Variants in SPAG16 observed in about 807,000 individuals in gnomAD.
SPAG16 encodes the protein sperm-associated antigen 16 protein.
Under a neutral mutation model 80.4 loss-of-function variants are expected in SPAG16, and 86 were observed. The ratio of observed to expected loss-of-function variants is 1.07; its 90% CI spans 0.90 to 1.28. The LOEUF is 1.28. Ranked by LOEUF, SPAG16 falls within the 50% of genes most tolerant of loss-of-function variation. The pLI, the probability that SPAG16 is intolerant of heterozygous loss-of-function variation, is 0.00. For synonymous variants in SPAG16, 294 were observed against 265.9 expected (o/e 1.11, Z -1.03); for missense variants, 870 against 765.3 (o/e 1.14, Z -1.61).
chr2:213,706,715 C>T (rs1056185403), intron 10 of SPAG16, among the ~76,000 whole-genome samples: 7 of 151,694 alleles, frequency 4.6e-5, no homozygotes, highest in African/African-American at 7.3e-5. Flanking sequence ...CTTAGTTTTT[C>T]GGAATGAAAA....
chr2:214,386,072 G>GACTT (rs767724086), intron 15 of SPAG16, among the ~76,000 whole-genome samples: 6 of 151,732 alleles, frequency 4.0e-5, no homozygotes, highest in Non-Finnish European at 7.4e-5. Context: ...CTCATAAAAC[G>GACTT]ACTTAAAAAG....
At position 213,804,382 on chromosome 2, in the gene SPAG16, C is replaced by G. The variant is rs189535594; in HGVS notation, c.1071-58103C>G. 2.3e-3 allele frequency among the ~76,000 whole-genome samples: 353 copies of G among 152,204 alleles called. 10 individuals are homozygous for G. The highest frequency in any genetic ancestry group is 0.02 in the Admixed American group (306 of 15,284). ...GCAAGGGGTAAGTAAGGAAGGAGGG[C>G]TACTAAAGAACATTATAAGGGCCGG... is the stretch of plus-strand genomic sequence containing the variant. On this transcript the variant is annotated intron_variant, in intron 10 of 15. Transcript: ENST00000331683.
At chr2:213,951,714 G>T (rs1037368610) in intron 12 of SPAG16, among the ~76,000 whole-genome samples, 2 of 152,110 alleles carry the variant, frequency 1.3e-5, no homozygotes, top group Non-Finnish European at 2.9e-5. Context: ...ACATTGAGGA[G>T]ATAAATGGAG....
intron 10 of SPAG16, among the ~76,000 whole-genome samples, chr2:213,542,239 G>A (rs2125918749): frequency 6.6e-6 from 1 of 152,164 alleles, no homozygotes; most frequent in East Asian, 1.9e-4. Context: ...TTTGAAGATG[G>A]TACTTGTGGT....
intron 7 of SPAG16, among the ~76,000 whole-genome samples, chr2:213,362,015 T>C (rs73990311): frequency 0.074 from 11,296 of 152,168 alleles, 1,385 homozygotes; most frequent in African/African-American, 0.25. Context: ...TTGAGTCATT[T>C]GAATCTCCCA....
At chr2:213,770,943 T>A (rs1436686697) in intron 10 of SPAG16, among the ~76,000 whole-genome samples, 1 of 152,206 alleles carries the variant, frequency 6.6e-6, no homozygotes, top group East Asian at 1.9e-4. Context: ...AGTGTCTTTA[T>A]AATAGAATGA....
intron 14 of SPAG16, among the ~76,000 whole-genome samples, chr2:214,142,997 T>C (rs1478208216): frequency 6.6e-6 from 1 of 152,190 alleles, no homozygotes; most frequent in Non-Finnish European, 1.5e-5. Context: ...TAGTGCATAG[T>C]ATGCCTGTCA....
intron 10 of SPAG16, among the ~76,000 whole-genome samples, chr2:213,591,825 T>G (rs1365817066): frequency 6.6e-6 from 1 of 151,978 alleles, no homozygotes; most frequent in Non-Finnish European, 1.5e-5. Context: ...GGCCAGGAGA[T>G]CAGACAACAC....
intron 10 of SPAG16, among the ~76,000 whole-genome samples, chr2:213,520,383 G>C (rs2075614018): frequency 6.6e-6 from 1 of 151,696 alleles, no homozygotes; most frequent in Admixed American, 6.6e-5. Flanking sequence ...TCAGGAGATT[G>C]AGACCATCCT....
intron 15 of SPAG16, among the ~76,000 whole-genome samples, chr2:214,227,281 AT>A (rs1487477124): frequency 6.6e-6 from 1 of 152,004 alleles, no homozygotes; most frequent in Non-Finnish European, 1.5e-5. Context: ...TGCTGCATCA[AT>A]AATGTCAAAA....
chr2:214,238,190 C>G (rs918625374), intron 15 of SPAG16: 5 of 435,958 alleles, frequency 1.1e-5, no homozygotes, highest in Non-Finnish European at 2.3e-5. Context: ...TTCCAGCTTT[C>G]TTGATGTTAC....
chr2:214,256,963 G>A (rs926866089), intron 15 of SPAG16, among the ~76,000 whole-genome samples: 4 of 151,598 alleles, frequency 2.6e-5, no homozygotes, highest in Non-Finnish European at 5.9e-5. Context: ...AAAAAATTAT[G>A]GGAACTCTTT....
chr2:213,463,314 A>T (rs914514871), intron 9 of SPAG16, among the ~76,000 whole-genome samples: 1 of 152,258 alleles, frequency 6.6e-6, no homozygotes, highest in Non-Finnish European at 1.5e-5. Context: ...GGAGAAATTC[A>T]AGCCAGCTGC....
At chr2:213,367,124 T>G (rs1269007393) in intron 8 of SPAG16, among the ~76,000 whole-genome samples, 1 of 152,194 alleles carries the variant, frequency 6.6e-6, no homozygotes, top group Non-Finnish European at 1.5e-5. Context: ...AACTCATCCT[T>G]TTTTATGGTT....
At chr2:213,288,996 G>C (rs2062163963) in intron 1 of SPAG16, among the ~76,000 whole-genome samples, 1 of 152,176 alleles carries the variant, frequency 6.6e-6, no homozygotes, top group African/African-American at 2.4e-5. Context: ...TTGTGTAAAA[G>C]TCATAGGCTA....
intron 15 of SPAG16, among the ~76,000 whole-genome samples, chr2:214,195,435 CA>C (rs1456779661): frequency 6.6e-6 from 1 of 151,924 alleles, no homozygotes; most frequent in Non-Finnish European, 1.5e-5. Flanking sequence ...AAAAGAATTA[CA>C]GGGGGTTAGC....
At chr2:214,284,894 G>A (rs1693237188) in intron 15 of SPAG16, among the ~76,000 whole-genome samples, 2 of 151,772 alleles carry the variant, frequency 1.3e-5, no homozygotes, top group Admixed American at 1.3e-4. Context: ...GGACACTTAG[G>A]TTGATTTCAT....
At chr2:213,833,481 A>T (rs2073829189) in intron 10 of SPAG16, among the ~76,000 whole-genome samples, 1 of 2,822 alleles carries the variant, frequency 3.5e-4, no homozygotes, top group African/African-American at 4.7e-4. Flanking sequence ...ATAATAATAT[A>T]TATATTATAT....
intron 10 of SPAG16, among the ~76,000 whole-genome samples, chr2:213,641,914 T>G (rs2062606515): frequency 2.0e-5 from 3 of 152,316 alleles, no homozygotes; most frequent in Non-Finnish European, 4.4e-5. Context: ...AGTGTGAACA[T>G]GTGAAGGAGG....
Sources: allele counts gnomAD v4.1 joint callset (sites outside exome capture counted in the v4.1 genomes callset), GRCh38; gene constraint gnomAD v4.1.1; transcripts MANE v1.5; gene names NCBI Gene and HGNC (gene_info 2026-07-23, HGNC 2026-07-21).